USP36: variants seen among roughly 807,000 people sequenced by gnomAD.
The protein encoded by USP36 is ubiquitin carboxyl-terminal hydrolase 36.
USP36 carries 59 observed loss-of-function variants against 111.5 expected under a neutral mutation model. The observed-to-expected ratio is 0.53, with a 90% CI of 0.43 to 0.66. The LOEUF is 0.66. Among genes scored for constraint, USP36 ranks in the 30% least tolerant of loss-of-function variants. The pLI, the probability that USP36 is intolerant of heterozygous loss-of-function variation, is 0.00. For synonymous variants in USP36, 628 were observed against 581.0 expected, an observed-to-expected ratio of 1.08 and a Z score of -1.16; for missense variants, 1,488 against 1,468.0, an observed-to-expected ratio of 1.01 and a Z score of -0.22.
At chr17:78,831,469 C>T (rs957796590) in intron 4 of USP36, among the ~76,000 whole-genome samples, 2 of 151,300 alleles carry the variant, frequency 1.3e-5, no homozygotes, top group African/African-American at 2.4e-5. Flanking sequence ...AAACATTAGC[C>T]GTGTGTGGTG....
intron 1 of USP36, among the ~76,000 whole-genome samples, chr17:78,839,993 G>A (rs947054087): frequency 6.6e-6 from 1 of 152,226 alleles, no homozygotes; most frequent in African/African-American, 2.4e-5. Context: ...CGCTCGCAGG[G>A]TCAACCACGT....
chr17:78,826,928 C>T (rs917533347), intron 6 of USP36: 2 of 599,924 alleles, frequency 3.3e-6, no homozygotes, highest in East Asian at 5.5e-5. Context: ...AACTGAATGC[C>T]CCTAAGAAGG....
At chr17:78,789,776 G>A (rs1477217529) in intron 3 of USP36, among the ~76,000 whole-genome samples, 1 of 152,202 alleles carries the variant, frequency 6.6e-6, no homozygotes, top group Non-Finnish European at 1.5e-5. Context: ...TCAAATAGAG[G>A]AGCTAGTGCT....
chr17:78,815,105 G>A (rs987218519), intron 10 of USP36, among the ~76,000 whole-genome samples: 12 of 152,124 alleles, frequency 7.9e-5, no homozygotes, highest in South Asian at 2.1e-4. Flanking sequence ...AGGCCGAGGC[G>A]GGTAGATCAC....
At position 78,803,672 on chromosome 17, in the gene USP36, G is replaced by T; in HGVS notation, c.2523C>A (p.His841Gln). The T allele has an allele frequency of 1.9e-6, 3 of 1,608,958 alleles. No individual in the cohort carries two copies. The highest frequency in any genetic ancestry group is 2.5e-6 in the Non-Finnish European group (3 of 1,178,794). ...QHIREATAAP[H>Q]GKRKRKKKKR... ...TCTTCTTCTTCCTCTTCCTCTTCCC[G>T]TGGGGAGCCGCAGTGGCCTCCCTGA... The change falls in exon 16 of 21, where the codon CAC becomes CAA. Residue 841 changes from histidine (H) to glutamine (Q), a missense_variant. Coordinates refer to ENST00000449938, the MANE Select transcript of USP36 (RefSeq NM_001385174.1). The surrounding 1 kb of genome is among the most constrained non-coding windows in gnomAD (Gnocchi z 4.6).
At chr17:78,809,707 A>G (rs1190710391) in intron 13 of USP36, among the ~76,000 whole-genome samples, 1 of 151,182 alleles carries the variant, frequency 6.6e-6, no homozygotes, top group African/African-American at 2.4e-5. Context: ...TGATAGCTCA[A>G]TGCAGCCTTG....
At chr17:78,806,933 C>T in intron 14 of USP36, 26 bp downstream of exon 14, 2 of 1,608,734 alleles carry the variant, frequency 1.2e-6, no homozygotes, top group Non-Finnish European at 8.5e-7. Context: ...TGATACACAG[C>T]AGCGGCGAGA....
rs779717121 is a variant in USP36 at position 78,813,876 on chromosome 17, G to A, written c.1165-3C>T. On this transcript the variant is annotated splice_polypyrimidine_tract_variant and splice_region_variant and intron_variant, in intron 11 of 20. Coordinates refer to ENST00000449938, the MANE Select transcript of USP36 (RefSeq NM_001385174.1). ...TGGTACCACTGTCCATTGCTTGCCTGAAGCAGCCAAGGATGTTGCAGAAAA... is the reference window on the plus strand; with the variant it reads ...TGGTACCACTGTCCATTGCTTGCCTAAAGCAGCCAAGGATGTTGCAGAAAA... The A allele has an allele frequency of 2.5e-6, 4 of 1,613,674 alleles. No homozygotes were observed. In the Admixed American group the frequency reaches 6.7e-5, roughly 27 times the overall value.
rs2145021935 is a variant in USP36 at position 78,803,257 on chromosome 17, A to T, written c.2810+128T>A. On this transcript the variant is annotated intron_variant, in intron 16 of 20. Coordinates refer to ENST00000449938, the MANE Select transcript of USP36 (RefSeq NM_001385174.1). This position sits in a 1 kb window ranked among gnomAD's most constrained non-coding sequence, Gnocchi z 4.6. Reference sequence around the variant, plus strand: ...CAGCCAGAGGAGACATCTGATCACAAATCCACATTTTAGAAAACCACGCAA... The same window carrying T: ...CAGCCAGAGGAGACATCTGATCACATATCCACATTTTAGAAAACCACGCAA... 9.6e-7 allele frequency: 1 copy of T among 1,043,592 alleles called. No homozygotes were observed. The highest frequency in any genetic ancestry group is 1.4e-6 in the Non-Finnish European group (1 of 722,546). The allele number at this position is 1,043,592 out of a possible 1,614,324, so 64.6% of individuals were successfully genotyped here.
chr17:78,831,262 A>G (rs936113490), intron 4 of USP36, among the ~76,000 whole-genome samples: 1 of 148,030 alleles, frequency 6.8e-6, no homozygotes, highest in Non-Finnish European at 1.5e-5. Context: ...AAGGGACAAC[A>G]TAAATATTGA....
chr17:78,808,168 A>C (rs2093959892), intron 13 of USP36, among the ~76,000 whole-genome samples: 1 of 152,230 alleles, frequency 6.6e-6, no homozygotes, highest in African/African-American at 2.4e-5. Flanking sequence ...TTTTCTTCCA[A>C]ATGGTTCTGG....
At position 78,797,257 on chromosome 17, in the gene USP36, T is replaced by C. The variant is rs2093643065; in HGVS notation, c.*643A>G. Reference sequence around the variant, plus strand: ...TATCGAGGGCTCCTCCGACCCCAAATAGCCTCTGCTCTCCAGGACAGTTGA... The same window carrying C: ...TATCGAGGGCTCCTCCGACCCCAAACAGCCTCTGCTCTCCAGGACAGTTGA... On this transcript the variant is annotated 3_prime_UTR_variant, in exon 21 of 21. Transcript: ENST00000449938. The C allele has an allele frequency of 6.6e-6, 1 of 152,134 alleles. No homozygotes were observed. The highest frequency in any genetic ancestry group is 2.4e-5 in the African/African-American group (1 of 41,438). The allele number at this position is 152,134 out of a possible 1,614,324, so 9.4% of individuals were successfully genotyped here.
intron 4 of USP36, 85 bp from the exon 5 acceptor site, chr17:78,829,092 G>C (rs1356896627): frequency 8.5e-7 from 1 of 1,179,806 alleles, no homozygotes; most frequent in Non-Finnish European, 1.2e-6. Context: ...CGTTAACACA[G>C]CCAGAAACAC....
chr17:78,795,611 TA>T (rs959261871), downstream of USP36: 44 of 146,476 alleles, frequency 3.0e-4, no homozygotes, highest in Admixed American at 3.4e-4. The surrounding 1 kb of genome is among the most constrained non-coding windows in gnomAD (Gnocchi z 4.5). Context: ...GGATGTACTT[TA>T]AAAAAAAAAA....
downstream of USP36, among the ~76,000 whole-genome samples, chr17:78,790,757 C>T (rs963818795): frequency 1.3e-5 from 2 of 152,208 alleles, no homozygotes; most frequent in African/African-American, 4.8e-5. Flanking sequence ...TTCCTACACA[C>T]ATTTCGCAGC....
At chr17:78,836,845 G>A (rs901383823) in intron 2 of USP36, among the ~76,000 whole-genome samples, 5 of 151,118 alleles carry the variant, frequency 3.3e-5, no homozygotes, top group African/African-American at 1.2e-4. Flanking sequence ...ACACACCCAC[G>A]CAATAAATGA....
chr17:78,826,873 C>G, intron 6 of USP36: 3 of 573,726 alleles, frequency 5.2e-6, no homozygotes, highest in Non-Finnish European at 9.3e-6. Context: ...AACCTCTTTT[C>G]AAAAACGACA....
intron 6 of USP36, among the ~76,000 whole-genome samples, chr17:78,824,991 A>C (rs1156872136): frequency 6.6e-6 from 1 of 152,204 alleles, no homozygotes; most frequent in Non-Finnish European, 1.5e-5. Context: ...ATCTAACCAC[A>C]ACCACCTGTA....
At chr17:78,787,435 A>G (rs537473506) in exon 4 of USP36, 1 of 152,252 alleles carries the variant, frequency 6.6e-6, no homozygotes. Context: ...TTTCCAAGCT[A>G]TAAGTGAAAA....
Sources: gnomAD v4.1 joint callset for allele counts (sites outside exome capture counted in the v4.1 genomes callset) on GRCh38, gnomAD v4.1.1 for gene constraint, Gnocchi (gnomAD v3.1) non-coding constraint, MANE v1.5 for transcripts, NCBI Gene and HGNC (gene_info 2026-07-23, HGNC 2026-07-21) for gene names.